Variants in CHD6 observed in about 807,000 individuals in gnomAD.
CHD6 encodes ATP-dependent chromatin remodeler CHD6.
A neutral mutation model predicts 276.9 loss-of-function variants in CHD6; 50 were observed. The ratio of observed to expected loss-of-function variants is 0.18; its 90% CI spans 0.14 to 0.23. CHD6 has a LOEUF of 0.23. Among genes scored for constraint, CHD6 ranks in the 10% least tolerant of loss-of-function variants. CHD6 has a pLI of 1.00. For synonymous variants in CHD6, 1,173 were observed against 1,229.3 expected (o/e 0.95, Z 0.96); for missense variants, 2,564 against 3,365.8 (o/e 0.76, Z 5.89).
At chr20:41,549,197 T>G (rs904948210) in intron 2 of CHD6, among the ~76,000 whole-genome samples, 7 of 152,032 alleles carry the variant, frequency 4.6e-5, no homozygotes, top group Non-Finnish European at 7.4e-5. Context: ...TGCACACGTA[T>G]GTTTATTGTG....
intron 1 of CHD6, among the ~76,000 whole-genome samples, chr20:41,599,164 T>C (rs550116017): frequency 6.6e-5 from 10 of 152,334 alleles, no homozygotes; most frequent in Admixed American, 2.6e-4. Context: ...ATTAAAGGAA[T>C]AGCTGAACAA....
chr20:41,504,077 CAAAAAAAAAAA>C (rs1189323419), intron 5 of CHD6, among the ~76,000 whole-genome samples: 10 of 27,096 alleles, frequency 3.7e-4, no homozygotes, highest in Non-Finnish European at 4.9e-4. Context: ...GACTCTGTCT[CAAAAAAAAAAA>C]AAAAAAAAAA....
At chr20:41,577,778 T>TC (rs1205283207) in intron 1 of CHD6, among the ~76,000 whole-genome samples, 1 of 152,208 alleles carries the variant, frequency 6.6e-6, no homozygotes, top group Non-Finnish European at 1.5e-5. Context: ...GACAATCCAT[T>TC]CTCTCCCTCT....
At chr20:41,408,571 C>T (rs2046750462) in intron 36 of CHD6, among the ~76,000 whole-genome samples, 1 of 152,166 alleles carries the variant, frequency 6.6e-6, no homozygotes, top group African/African-American at 2.4e-5. Flanking sequence ...AGTCTCAGTC[C>T]CTTGCTGGCA....
At chr20:41,532,994 C>A in intron 3 of CHD6, 56 bp downstream of exon 3, 4 of 1,524,328 alleles carry the variant, frequency 2.6e-6, no homozygotes, top group Non-Finnish European at 3.5e-6. Flanking sequence ...ATGCCAAAGG[C>A]AAATCGTTCT....
chr20:41,577,477 C>G (rs916720939), intron 1 of CHD6, among the ~76,000 whole-genome samples: 2 of 152,062 alleles, frequency 1.3e-5, no homozygotes, highest in Non-Finnish European at 2.9e-5. Flanking sequence ...CCTATAGAAT[C>G]TGGGGGCTAT....
intron 1 of CHD6, among the ~76,000 whole-genome samples, chr20:41,558,599 GA>G (rs558836561): frequency 1.2e-4 from 18 of 152,252 alleles, no homozygotes; most frequent in South Asian, 8.3e-4. Context: ...AGAACATTTT[GA>G]AAGTTTTCTT....
intron 3 of CHD6, among the ~76,000 whole-genome samples, chr20:41,529,618 G>A (rs1174467036): frequency 2.0e-5 from 3 of 152,186 alleles, no homozygotes; most frequent in Non-Finnish European, 4.4e-5. Flanking sequence ...GATACTGAGA[G>A]AAGGGTAAGA....
chr20:41,548,367 T>C (rs1256331918), intron 2 of CHD6, among the ~76,000 whole-genome samples: 1 of 152,150 alleles, frequency 6.6e-6, no homozygotes, highest in Non-Finnish European at 1.5e-5. Flanking sequence ...CTGGCTAACA[T>C]ACCAAAGGTC....
At chr20:41,429,262 A>C (rs964315326) in intron 27 of CHD6, among the ~76,000 whole-genome samples, 1 of 152,222 alleles carries the variant, frequency 6.6e-6, no homozygotes, top group African/African-American at 2.4e-5. Context: ...TTTTGTTTAC[A>C]ATTTCAGGCT....
chr20:41,537,651 A>G (rs563161923), intron 2 of CHD6, among the ~76,000 whole-genome samples: 1 of 152,376 alleles, frequency 6.6e-6, no homozygotes, highest in South Asian at 2.1e-4. Context: ...TCAATAATAA[A>G]AAAGAACCAA....
chr20:41,571,896 G>C (rs1009531847), intron 1 of CHD6, among the ~76,000 whole-genome samples: 11 of 152,130 alleles, frequency 7.2e-5, no homozygotes, highest in East Asian at 1.9e-4. Context: ...TCCAGAAACA[G>C]AACATTAGCA....
At chr20:41,522,665 C>T (rs934537125) in intron 3 of CHD6, among the ~76,000 whole-genome samples, 1 of 151,784 alleles carries the variant, frequency 6.6e-6, no homozygotes, top group African/African-American at 2.4e-5. Context: ...CGCGCACACA[C>T]ACATACATAA....
intron 17 of CHD6, among the ~76,000 whole-genome samples, chr20:41,458,647 T>C (rs977496720): frequency 2.6e-5 from 4 of 152,206 alleles, no homozygotes; most frequent in African/African-American, 4.8e-5. Context: ...TTTATGTTTG[T>C]ATGTTATATC....
chr20:41,435,602 T>TAAAAAAAAAAAA, intron 27 of CHD6, among the ~76,000 whole-genome samples: 1 of 70,312 alleles, frequency 1.4e-5, no homozygotes. Flanking sequence ...AGACCCTGAG[T>TAAAAAAAAAAAA]CAAAAAAAAA....
At chr20:41,487,638 T>G (rs373191504) in intron 14 of CHD6, 27 bp downstream of exon 14, 14 of 1,583,832 alleles carry the variant, frequency 8.8e-6, no homozygotes, top group Non-Finnish European at 1.2e-5. Context: ...TCACACTGTC[T>G]CCTCAATTCT....
chr20:41,611,915 GGTGTGAGCCACCGCACCTGGCAAAACTT>G (rs1299014891), intron 1 of CHD6, among the ~76,000 whole-genome samples: 2 of 152,150 alleles, frequency 1.3e-5, no homozygotes, highest in African/African-American at 4.8e-5. Context: ...TGGGATTACA[GGTGTGAGCCACCGCACCTGGCAAAACTT>G]GCATTTCTAA....
intron 1 of CHD6, among the ~76,000 whole-genome samples, chr20:41,575,111 C>A (rs1001928329): frequency 6.6e-6 from 1 of 152,164 alleles, no homozygotes; most frequent in Admixed American, 6.6e-5. Context: ...ATTTACATAG[C>A]GTGTACATCA....
At chr20:41,531,277 A>G (rs943040933) in intron 3 of CHD6, among the ~76,000 whole-genome samples, 2 of 152,194 alleles carry the variant, frequency 1.3e-5, no homozygotes, top group African/African-American at 4.8e-5. Flanking sequence ...TATTAGGGCT[A>G]TAAAACTCTC....
Sources: allele counts gnomAD v4.1 joint callset (sites outside exome capture counted in the v4.1 genomes callset), GRCh38; gene constraint gnomAD v4.1.1; transcripts MANE v1.5; gene names NCBI Gene and HGNC (gene_info 2026-07-23, HGNC 2026-07-21).